S100Z: variants seen among roughly 807,000 people sequenced by gnomAD.
S100Z encodes the protein S100 calcium binding protein Z, also known as protein S100-Z.
A neutral mutation model predicts 8.5 loss-of-function variants in S100Z; 11 were observed. That is an observed-to-expected ratio of 1.30 (90% CI 0.82 to 2.15). The LOEUF is 2.15. S100Z is among the 30% of genes most tolerant of loss of function. S100Z has a pLI of 0.00. For missense variants in S100Z, 126 were observed against 117.9 expected, an observed-to-expected ratio of 1.07 and a Z score of -0.32; for synonymous variants, 34 against 43.8, an observed-to-expected ratio of 0.78 and a Z score of 0.89.
At chr5:76,887,464 A>C (rs1436070594) in intron 4 of S100Z, among the ~76,000 whole-genome samples, 1 of 129,216 alleles carries the variant, frequency 7.7e-6, no homozygotes, top group Non-Finnish European at 1.5e-5. Context: ...CAGTGGCACT[A>C]TCTTGGCTCA....
chr5:76,854,033 C>T lies in S100Z; in HGVS notation c.-176+3878C>T, dbSNP rs571531901. Reference sequence around the variant, plus strand: ...CTTCCCCTTTGCCTTCTGCCATGATCGAAAGTTTCCTGAGGCCTCCCCAGA... The same window carrying T: ...CTTCCCCTTTGCCTTCTGCCATGATTGAAAGTTTCCTGAGGCCTCCCCAGA... On this transcript the variant is annotated intron_variant, in intron 1 of 4. Transcript: ENST00000317593. 3.9e-5 allele frequency among the ~76,000 whole-genome samples: 6 copies of T among 152,270 alleles called. No homozygotes were observed. The East Asian group carries it at 5.8e-4, about 15-fold the overall frequency.
chr5:76,949,388 C>A, the S100Z span, among the ~76,000 whole-genome samples: 10,122 of 122,652 alleles, frequency 0.083, 367 homozygotes, highest in East Asian at 0.19. Flanking sequence ...GACTCCATCT[C>A]AAAAAAAAAA....
chr5:76,938,778 T>G, the S100Z span, among the ~76,000 whole-genome samples: 1 of 152,110 alleles, frequency 6.6e-6, no homozygotes, highest in Admixed American at 6.5e-5. Context: ...AGAGATCATG[T>G]TTTTTTCCCA....
intron 1 of S100Z, among the ~76,000 whole-genome samples, chr5:76,869,771 C>T (rs1388627806): frequency 1.3e-5 from 2 of 152,136 alleles, no homozygotes; most frequent in Non-Finnish European, 2.9e-5. Flanking sequence ...GTAATCCCGG[C>T]ACTTTGGGAG....
intron 4 of S100Z, among the ~76,000 whole-genome samples, chr5:76,886,352 G>T (rs1429562763): frequency 6.6e-6 from 1 of 152,172 alleles, no homozygotes; most frequent in African/African-American, 2.4e-5. Context: ...TATGAGAAGG[G>T]ACAGATTGAA....
At chr5:76,908,672 A>T (rs1744541543) in intron 4 of S100Z, among the ~76,000 whole-genome samples, 1 of 152,174 alleles carries the variant, frequency 6.6e-6, no homozygotes, top group Non-Finnish European at 1.5e-5. Flanking sequence ...TAAAGCTAGG[A>T]TATGGGGAGC....
At chr5:76,888,695 C>T (rs191364021) in intron 4 of S100Z, among the ~76,000 whole-genome samples, 190 of 152,170 alleles carry the variant, frequency 1.2e-3, no homozygotes, top group Admixed American at 3.1e-3. Flanking sequence ...GGATTACAGG[C>T]GTGAGCCACC....
chr5:76,917,380 C>T (rs1281748841), intron 4 of S100Z, among the ~76,000 whole-genome samples: 1 of 152,118 alleles, frequency 6.6e-6, no homozygotes, highest in Non-Finnish European at 1.5e-5. Flanking sequence ...TTCTGAATGA[C>T]AGGCCTTGTT....
chr5:76,902,637 G>GT (rs544919294), intron 4 of S100Z, among the ~76,000 whole-genome samples: 4,206 of 142,526 alleles, frequency 0.03, 194 homozygotes, highest in African/African-American at 0.099. Context: ...GGTTTTTTTT[G>GT]TTTTTTTTTT....
downstream of S100Z, among the ~76,000 whole-genome samples, chr5:76,925,147 T>G (rs1745115185): frequency 7.4e-6 from 1 of 134,910 alleles, no homozygotes. Flanking sequence ...TCCCCAAAGA[T>G]GAGTGGCTAG....
intron 4 of S100Z, among the ~76,000 whole-genome samples, chr5:76,896,311 A>G (rs1744036945): frequency 6.6e-6 from 1 of 152,138 alleles, no homozygotes; most frequent in Non-Finnish European, 1.5e-5. Flanking sequence ...TGCATGGCTC[A>G]TTTCATTTAA....
chr5:76,919,222 G>T (rs1744956805), intron 4 of S100Z, among the ~76,000 whole-genome samples: 1 of 152,144 alleles, frequency 6.6e-6, no homozygotes, highest in East Asian at 1.9e-4. Context: ...ACAACTACTG[G>T]ATTGGATAGT....
chr5:76,914,131 A>G (rs777640738), intron 4 of S100Z, among the ~76,000 whole-genome samples: 2 of 152,136 alleles, frequency 1.3e-5, no homozygotes, highest in African/African-American at 2.4e-5. Context: ...ACTGGCCTAA[A>G]GAGTTCCCCT....
chr5:76,884,494 G>A (rs953525115), intron 4 of S100Z, among the ~76,000 whole-genome samples: 1 of 152,176 alleles, frequency 6.6e-6, no homozygotes, highest in Non-Finnish European at 1.5e-5. Context: ...TGACATTTAA[G>A]TCACTCCAGG....
the S100Z span, among the ~76,000 whole-genome samples, chr5:76,943,814 A>G: frequency 6.6e-6 from 1 of 152,162 alleles, no homozygotes; most frequent in Non-Finnish European, 1.5e-5. Context: ...GACTTGGGAC[A>G]CCCAATCCAG....
In S100Z at chr5:76,875,497, C is replaced by T; in HGVS notation, c.138C>T (p.Leu46=). The change falls in exon 3 of 5, where the codon CTC becomes CTT. Residue 46 remains leucine, a synonymous_variant. Coordinates refer to ENST00000317593, the MANE Select transcript of S100Z (RefSeq NM_130772.4). ...TGCAGCGAGAGCTCACGGAATTCCT[C>T]TCGGTGAGTCAGGCCTTTGTAAATG... is the stretch of plus-strand genomic sequence containing the variant. ...LLLQRELTEF[L]SCQKETQLVD... is the part of the protein sequence containing the mutation. 3 of 1,606,378 alleles carry T rather than the reference C, an allele frequency of 1.9e-6. No individual in the cohort carries two copies. Among genetic ancestry groups the T allele is most frequent in the Non-Finnish European group, 2.5e-6 (3 of 1,177,028 alleles).
rs559937776 is a variant in S100Z, at chr5:76,903,882, G to A, written c.*3-16835G>A. Among the ~76,000 whole-genome samples, 114 of 151,364 alleles carry A rather than the reference G, an allele frequency of 7.5e-4. 1 individual carries two copies. Among genetic ancestry groups the A allele is most frequent in the East Asian group, 4.4e-3 (22 of 5,000 alleles). The stretch of plus-strand genomic sequence containing the variant: ...TGGGATTACAGGCGCCCGCCACCAC[G>A]CCTGGCTATTTTTTTTGTGTGTGTG... On this transcript the variant is annotated intron_variant, in intron 4 of 4. Coordinates refer to ENST00000317593, the MANE Select transcript of S100Z (RefSeq NM_130772.4).
chr5:76,927,842 G>A, the S100Z span, among the ~76,000 whole-genome samples: 5 of 152,188 alleles, frequency 3.3e-5, no homozygotes, highest in Middle Eastern at 3.4e-3. Flanking sequence ...TCCTCATTTC[G>A]TAGATAAGGA....
chr5:76,875,575 T>G, intron 3 of S100Z, 75 bp downstream of exon 3: 2 of 1,356,270 alleles, frequency 1.5e-6, no homozygotes, highest in Non-Finnish European at 2.0e-6. Context: ...GCCTTTGGGT[T>G]CATACTGTCC....
Sources: gnomAD v4.1 joint callset for allele counts (sites outside exome capture counted in the v4.1 genomes callset) on GRCh38, gnomAD v4.1.1 for gene constraint, MANE v1.5 for transcripts, NCBI Gene and HGNC (gene_info 2026-07-23, HGNC 2026-07-21) for gene names.